Variants in NF1 observed in about 807,000 individuals in gnomAD.
NF1 encodes neurofibromin.
In NF1, 122 loss-of-function variants were observed where a neutral mutation model predicts 325.7. That is an observed-to-expected ratio of 0.37 (90% CI 0.32 to 0.44). The LOEUF is 0.44. NF1 is among the 20% of genes least tolerant of loss of function. The pLI, the probability that NF1 is intolerant of heterozygous loss-of-function variation, is 1.00. For synonymous variants in NF1, 1,091 were observed against 1,186.0 expected (o/e 0.92, Z 1.65); for missense variants, 2,140 against 3,415.4 (o/e 0.63, Z 9.31).
chr17:31,335,274 T>TTA (rs1172994332), intron 40 of NF1, among the ~76,000 whole-genome samples: 2 of 6,700 alleles, frequency 3.0e-4, no homozygotes, highest in Admixed American at 4.7e-3. Context: ...CAAGGCATAA[T>TTA]TATATATATA....
chr17:31,262,988 GC>G (rs1160290531), intron 35 of NF1, among the ~76,000 whole-genome samples: 33 of 152,040 alleles, frequency 2.2e-4, no homozygotes, highest in Non-Finnish European at 4.3e-4. Context: ...TTCAAGACCA[GC>G]CTGGGCAACA....
At chr17:31,295,804 A>G (rs2068451935) in intron 36 of NF1, 1 of 1,614,090 alleles carries the variant, frequency 6.2e-7, no homozygotes, top group Non-Finnish European at 8.5e-7. Context: ...TCAAAGAATT[A>G]TTAGACAGGT....
At chr17:31,147,486 A>G (rs1040905904) in intron 1 of NF1, among the ~76,000 whole-genome samples, 2 of 152,212 alleles carry the variant, frequency 1.3e-5, no homozygotes, top group African/African-American at 4.8e-5. Context: ...TGGGAATTAT[A>G]AAACATGCTG....
chr17:31,155,914 C>CAA, intron 1 of NF1, 69 bp from the exon 2 acceptor site: 1 of 1,542,346 alleles, frequency 6.5e-7, no homozygotes, highest in East Asian at 2.3e-5. Context: ...TTTTCAATGG[C>CAA]AAGTAAGTTA....
chr17:31,361,334 A>G (rs2070395746), intron 57 of NF1: 1 of 152,714 alleles, frequency 6.5e-6, no homozygotes, highest in Non-Finnish European at 1.5e-5. Context: ...TAATAGCTCC[A>G]GTGGGACTGA....
chr17:31,190,686 T>C (rs1433081333), intron 8 of NF1, among the ~76,000 whole-genome samples: 2 of 152,236 alleles, frequency 1.3e-5, no homozygotes, highest in Non-Finnish European at 2.9e-5. Flanking sequence ...CTCTTAATTC[T>C]ATAGACTAGA....
At chr17:31,161,406 C>T (rs1276479491) in intron 3 of NF1, among the ~76,000 whole-genome samples, 1 of 152,118 alleles carries the variant, frequency 6.6e-6, no homozygotes, top group African/African-American at 2.4e-5. Context: ...CAGAATTGAG[C>T]GTAGCATACA....
intron 1 of NF1, among the ~76,000 whole-genome samples, chr17:31,139,346 C>T (rs1282396603): frequency 3.3e-5 from 5 of 150,390 alleles, no homozygotes; most frequent in African/African-American, 1.2e-4. Flanking sequence ...TGCGCCTGGC[C>T]TACTCTTAGA....
At chr17:31,351,128 A>G (rs1210035169) in intron 50 of NF1, among the ~76,000 whole-genome samples, 1 of 152,126 alleles carries the variant, frequency 6.6e-6, no homozygotes, top group Non-Finnish European at 1.5e-5. Flanking sequence ...GAAAGGGTAA[A>G]ATAGTTTGCC....
At chr17:31,365,933 A>AT (rs1219842483) in intron 57 of NF1, among the ~76,000 whole-genome samples, 2,894 of 139,984 alleles carry the variant, frequency 0.021, 50 homozygotes, top group African/African-American at 0.038. Context: ...GATCTATTTA[A>AT]TTTTTTTTTT....
At chr17:31,321,132 T>C (rs1029202373) in intron 36 of NF1, 1 of 152,224 alleles carries the variant, frequency 6.6e-6, no homozygotes, top group African/African-American at 2.4e-5. Flanking sequence ...TTATCAGAAG[T>C]TTTCTTATAT....
intron 1 of NF1, among the ~76,000 whole-genome samples, chr17:31,119,908 T>C (rs1187612889): frequency 6.6e-6 from 1 of 152,248 alleles, no homozygotes; most frequent in African/African-American, 2.4e-5. Context: ...TTGTCAAAGA[T>C]CAGATGGTTA....
chr17:31,237,786 T>C (rs1048954869), intron 29 of NF1, among the ~76,000 whole-genome samples: 3 of 152,028 alleles, frequency 2.0e-5, no homozygotes, highest in Non-Finnish European at 4.4e-5. Context: ...GTTAAAGAAT[T>C]ACTTAGAGAG....
intron 21 of NF1, 55 bp from the exon 22 acceptor site, chr17:31,229,780 G>A (rs1228744425): frequency 5.0e-6 from 8 of 1,602,570 alleles, no homozygotes; most frequent in Non-Finnish European, 6.8e-6. Flanking sequence ...CTCTCTAGGG[G>A]GTCTGTCTTC....
In NF1 at chr17:31,170,040, C is replaced by A; in HGVS notation, c.586+43C>A. The A allele has an allele frequency of 2.4e-6, 3 of 1,239,598 alleles. No individual in the cohort carries two copies. The South Asian group carries it at 3.6e-5, about 15-fold the overall frequency. 76.8% of individuals were successfully genotyped at this position (1,239,598 alleles called of 1,614,324 possible). On this transcript the variant is annotated intron_variant, in intron 5 of 57. Transcript: ENST00000358273. ...ATATATCTGAAAAAAATCACTGGGTCAAAAACTAGTATCATGAATGTACTA... is the reference window on the plus strand; with the variant it reads ...ATATATCTGAAAAAAATCACTGGGTAAAAAACTAGTATCATGAATGTACTA...
Position 31,181,411 on chromosome 17 carries a change from G to GT in NF1, c.587-5dup, listed in dbSNP as rs759349569. On this transcript the variant is annotated splice_polypyrimidine_tract_variant and intron_variant, in intron 5 of 57. Coordinates refer to ENST00000358273, the MANE Select transcript of NF1 (RefSeq NM_001042492.3). ...TCTAGAGTTAATTTTTAAAAATTGTGTTTTTTCCAGAAACAGCATTTAAAT... is the reference window on the plus strand; with the variant it reads ...TCTAGAGTTAATTTTTAAAAATTGTGTTTTTTTCCAGAAACAGCATTTAAAT... 4 of 1,611,978 alleles carry GT rather than the reference G, an allele frequency of 2.5e-6. No individual in the cohort carries two copies. In the South Asian group the frequency reaches 3.3e-5, roughly 13 times the overall value.
chr17:31,309,747 G>C (rs1469125228), intron 36 of NF1, among the ~76,000 whole-genome samples: 1 of 152,138 alleles, frequency 6.6e-6, no homozygotes, highest in African/African-American at 2.4e-5. Flanking sequence ...TTAAACCCAG[G>C]TTAGTTTGTA....
intron 4 of NF1, among the ~76,000 whole-genome samples, chr17:31,165,765 C>T (rs2065835473): frequency 6.6e-6 from 1 of 152,210 alleles, no homozygotes; most frequent in Admixed American, 6.5e-5. Context: ...ACATGTCTCA[C>T]TGCAGCCTCG....
At chr17:31,130,475 G>C (rs936494159) in intron 1 of NF1, among the ~76,000 whole-genome samples, 2 of 151,968 alleles carry the variant, frequency 1.3e-5, no homozygotes, top group Non-Finnish European at 2.9e-5. Flanking sequence ...GGGGCTGCTG[G>C]TACACATGCA....
Sources: gnomAD v4.1 joint callset for allele counts (sites outside exome capture counted in the v4.1 genomes callset) on GRCh38, gnomAD v4.1.1 for gene constraint, MANE v1.5 for transcripts, NCBI Gene and HGNC (gene_info 2026-07-23, HGNC 2026-07-21) for gene names.